The following IDO2 variants were observed in gnomAD, a reference collection of about 807,000 sequenced individuals.
IDO2 encodes the protein indoleamine 2,3-dioxygenase-like 1 protein.
IDO2 carries 46 observed loss-of-function variants against 45.1 expected under a neutral mutation model. That is an observed-to-expected ratio of 1.02 (90% CI 0.80 to 1.30). The LOEUF (loss-of-function observed/expected upper bound fraction) is 1.30, where lower values mean the gene tolerates loss of function less well. Among genes scored for constraint, IDO2 ranks in the 50% most tolerant of loss-of-function variants. The pLI, the probability that IDO2 is intolerant of heterozygous loss-of-function variation, is 0.00. For synonymous variants in IDO2, 218 were observed against 184.9 expected (o/e 1.18, Z -1.45); for missense variants, 544 against 491.8 (o/e 1.11, Z -1.00).
chr8:39,995,611 G>C (rs1249020268), intron 8 of IDO2, among the ~76,000 whole-genome samples: 1 of 152,016 alleles, frequency 6.6e-6, no homozygotes. Flanking sequence ...AGCTGTTCCA[G>C]TATAATGAGG....
intron 3 of IDO2, among the ~76,000 whole-genome samples, chr8:39,977,148 A>G (rs920145632): frequency 3.9e-5 from 6 of 152,352 alleles, no homozygotes; most frequent in African/African-American, 1.4e-4. Context: ...TACAAAATGT[A>G]TTCTATGAAA....
chr8:39,987,935 G>T lies in IDO2; in HGVS notation c.514G>T (p.Ala172Ser), dbSNP rs749382557. The T allele has an allele frequency of 6.9e-5, 111 of 1,610,998 alleles. No homozygotes were observed. Among genetic ancestry groups the T allele is most frequent in the Admixed American group, 1.7e-5 (1 of 59,730 alleles). The change falls in exon 7 of 11, where the codon GCT becomes TCT. Residue 172 changes from alanine (A) to serine (S), a missense_variant. Transcript: ENST00000502986. ...CCTGCATGGTTTTATACTGGTGACT[G>T]CTTTGGTAGAGAAAGAAGCAGTGCC...
chr8:39,972,550 C>G (rs1205181034), intron 3 of IDO2, among the ~76,000 whole-genome samples: 1 of 124,508 alleles, frequency 8.0e-6, no homozygotes, highest in African/African-American at 3.1e-5. Flanking sequence ...GCAGAGGTTG[C>G]AGTGAGTCAA....
intron 1 of IDO2, among the ~76,000 whole-genome samples, chr8:39,943,665 G>A (rs6983467): frequency 0.16 from 23,546 of 149,934 alleles, 2,049 homozygotes; most frequent in East Asian, 0.27. Context: ...TGAACCCCGG[G>A]GGGCGGAGCC....
At chr8:39,970,345 A>G (rs1808159760) in intron 3 of IDO2, among the ~76,000 whole-genome samples, 1 of 152,234 alleles carries the variant, frequency 6.6e-6, no homozygotes, top group African/African-American at 2.4e-5. Flanking sequence ...AGATCCAGCT[A>G]AAATCATCAA....
chr8:39,972,424 T>C (rs973247728), intron 3 of IDO2, among the ~76,000 whole-genome samples: 4 of 151,694 alleles, frequency 2.6e-5, no homozygotes, highest in Non-Finnish European at 5.9e-5. Context: ...TTGGCCAACA[T>C]GATGAAATAC....
intron 2 of IDO2, among the ~76,000 whole-genome samples, chr8:39,954,192 G>A (rs542658626): frequency 1.4e-4 from 21 of 152,236 alleles, no homozygotes; most frequent in African/African-American, 5.1e-4. Context: ...TTATATTCTA[G>A]TCCTCATCTC....
Position 39,949,130 on chromosome 8 carries a change from A to T in IDO2, c.-17-19A>T. 2.5e-6 allele frequency: 4 copies of T among 1,582,774 alleles called. No homozygotes were observed. The highest frequency in any genetic ancestry group is 3.4e-6 in the Non-Finnish European group (4 of 1,162,954). ...ATTTATTAGGAACAATTGATTCTTC[A>T]GTGACACTTTCCATGCAGATACTTC... On this transcript the variant is annotated intron_variant, in intron 1 of 10. Transcript: ENST00000502986.
Position 39,989,839 on chromosome 8 carries a change from G to C in IDO2, c.667+1G>C. 7 of 1,576,252 alleles carry C rather than the reference G, an allele frequency of 4.4e-6. No homozygotes were observed. The highest frequency in any genetic ancestry group is 6.0e-6 in the Non-Finnish European group (7 of 1,157,976). ...ACCAAAACCTTAGGACAGATGCATG[G>C]TAAGATGCTTCCGAAGCTCCTGAAG... On this transcript the variant is annotated splice_donor_variant, in intron 8 of 10. Transcript: ENST00000502986. LOFTEE classifies it high-confidence loss of function.
chr8:40,013,418 T>C (rs1802337286), intron 9 of IDO2, 147 bp from the exon 10 acceptor site: 1 of 721,512 alleles, frequency 1.4e-6, no homozygotes, highest in East Asian at 2.6e-5. Context: ...CTTCAGTACT[T>C]ACCCTACAAA....
Position 39,961,895 on chromosome 8 carries a change from C to T in IDO2, c.100-1713C>T, listed in dbSNP as rs1168415396. Among the ~76,000 whole-genome samples the T allele has an allele frequency of 3.9e-5, 6 of 152,122 alleles. No homozygotes were observed. In the South Asian group the frequency reaches 6.2e-4, roughly 16 times the overall value. ...CAAAAATTCAATTGTGCAGGTTATG[C>T]ACTGAGAAAAAGAGCCTCAGGTTAG... On this transcript the variant is annotated intron_variant, in intron 2 of 10. Coordinates refer to ENST00000502986, the Ensembl canonical transcript of IDO2.
intron 8 of IDO2, among the ~76,000 whole-genome samples, chr8:39,992,421 T>C (rs1801952280): frequency 6.6e-6 from 1 of 152,178 alleles, no homozygotes. Flanking sequence ...TCCCAACTTA[T>C]GTCCTGTCTT....
chr8:39,966,945 A>G (rs1192216157), intron 3 of IDO2, among the ~76,000 whole-genome samples: 1 of 152,218 alleles, frequency 6.6e-6, no homozygotes, highest in African/African-American at 2.4e-5. Context: ...TAAATATTTT[A>G]TTTAGTGTAT....
intron 9 of IDO2, 104 bp downstream of exon 9, chr8:40,005,482 A>T (rs1256316600): frequency 1.6e-6 from 1 of 642,624 alleles, no homozygotes; most frequent in African/African-American, 1.8e-5. Context: ...AAACATACCA[A>T]GTGACTCTTG....
intron 3 of IDO2, among the ~76,000 whole-genome samples, chr8:39,971,125 G>T (rs1490494585): frequency 6.6e-6 from 1 of 152,288 alleles, no homozygotes; most frequent in African/African-American, 2.4e-5. Flanking sequence ...TGACTCTCTT[G>T]TTAGGGGCTA....
chr8:40,002,401 C>A (rs4736961), intron 8 of IDO2, among the ~76,000 whole-genome samples: 1 of 152,104 alleles, frequency 6.6e-6, no homozygotes, highest in Non-Finnish European at 1.5e-5. Context: ...GCAGAGCAAA[C>A]CCCGTCACCT....
At chr8:40,008,633 C>T (rs1206357505) in intron 9 of IDO2, among the ~76,000 whole-genome samples, 1 of 152,108 alleles carries the variant, frequency 6.6e-6, no homozygotes, top group Non-Finnish European at 1.5e-5. Flanking sequence ...TAGAATTATA[C>T]CTACCACAGT....
At chr8:39,948,921 G>A (rs370082772) in intron 1 of IDO2, among the ~76,000 whole-genome samples, 1 of 152,138 alleles carries the variant, frequency 6.6e-6, no homozygotes, top group African/African-American at 2.4e-5. Context: ...GAGAAAATGA[G>A]GGAATTTCTT....
chr8:39,973,879 T>C (rs1808219211), intron 3 of IDO2, among the ~76,000 whole-genome samples: 1 of 151,982 alleles, frequency 6.6e-6, no homozygotes, highest in Non-Finnish European at 1.5e-5. Context: ...GTAGTTGGTA[T>C]TACAGGCTCC....
Sources: allele counts gnomAD v4.1 joint callset (sites outside exome capture counted in the v4.1 genomes callset), GRCh38; gene constraint gnomAD v4.1.1; transcripts MANE v1.5; gene names NCBI Gene and HGNC (gene_info 2026-07-23, HGNC 2026-07-21).